The following GRM8 variants were observed in gnomAD, a reference collection of about 807,000 sequenced individuals.
GRM8 encodes the protein metabotropic glutamate receptor 8.
In GRM8, 47 loss-of-function variants were observed where a neutral mutation model predicts 87.2. The ratio of observed to expected loss-of-function variants is 0.54; its 90% CI spans 0.43 to 0.69. The LOEUF (loss-of-function observed/expected upper bound fraction) is 0.69, where lower values mean the gene tolerates loss of function less well. Among genes scored for constraint, GRM8 ranks in the 30% least tolerant of loss-of-function variants. The pLI is 0.00. For synonymous variants in GRM8, 396 were observed against 404.5 expected, an observed-to-expected ratio of 0.98 and a Z score of 0.25; for missense variants, 1,019 against 1,139.2, an observed-to-expected ratio of 0.89 and a Z score of 1.52.
At chr7:127,101,156 A>G (rs537785420) in intron 3 of GRM8, among the ~76,000 whole-genome samples, 1 of 152,264 alleles carries the variant, frequency 6.6e-6, no homozygotes, top group African/African-American at 2.4e-5. Context: ...GTGTCCCGTT[A>G]CTAAATTCCA....
rs71177600 is a variant in GRM8, at chr7:127,232,212, T to TGA, written c.510+10481_510+10482dup. Among the ~76,000 whole-genome samples the TGA allele has an allele frequency of 6.7e-3, 968 of 143,566 alleles. 7 individuals are homozygous for TGA. The highest frequency in any genetic ancestry group is 0.04 in the East Asian group (197 of 4,902). The allele number at this position is 143,566 out of a possible 152,430, so 94.2% of individuals were successfully genotyped here. ...GTGTGTGTGTGTGTGTGTGTGTGTG[T>TGA]GAGAGAGAGAGAGAGAGAGAGAGAG... On this transcript the variant is annotated intron_variant, in intron 2 of 10. Transcript: ENST00000339582.
rs73722644 is a variant in GRM8 at position 126,538,187 on chromosome 7, T to C, written c.1495-4300A>G. ...TTTCTGCTGTCAAATCCTGTTATTATTGCAGACAAGTACACAAAGAATCGT... is the reference window on the plus strand; with the variant it reads ...TTTCTGCTGTCAAATCCTGTTATTACTGCAGACAAGTACACAAAGAATCGT... On this transcript the variant is annotated intron_variant, in intron 8 of 10. Transcript: ENST00000339582. Among the ~76,000 whole-genome samples the C allele has an allele frequency of 7.3e-3, 1,110 of 152,318 alleles. 10 individuals are homozygous for C. Among genetic ancestry groups the C allele is most frequent in the African/African-American group, 0.025 (1,056 of 41,570 alleles).
intron 2 of GRM8, among the ~76,000 whole-genome samples, chr7:127,110,285 A>G (rs1033139387): frequency 1.3e-5 from 2 of 152,070 alleles, no homozygotes; most frequent in Non-Finnish European, 2.9e-5. Flanking sequence ...CCCCTATGAC[A>G]AGTCTCTGTA....
intron 3 of GRM8, among the ~76,000 whole-genome samples, chr7:126,936,660 C>T (rs1806361612): frequency 6.6e-6 from 1 of 152,130 alleles, no homozygotes; most frequent in Admixed American, 6.5e-5. Context: ...ACAATGTTCA[C>T]CCTCCACTTT....
At chr7:126,840,701 A>T (rs1326908519) in intron 6 of GRM8, among the ~76,000 whole-genome samples, 1 of 152,234 alleles carries the variant, frequency 6.6e-6, no homozygotes, top group Non-Finnish European at 1.5e-5. Context: ...AGAAAATAAA[A>T]TGAACTTTGT....
At chr7:126,496,375 C>T (rs887279160) in intron 9 of GRM8, among the ~76,000 whole-genome samples, 1 of 151,984 alleles carries the variant, frequency 6.6e-6, no homozygotes, top group Non-Finnish European at 1.5e-5. Flanking sequence ...TGACATTTCA[C>T]ACATTCCTGA....
intron 2 of GRM8, among the ~76,000 whole-genome samples, chr7:127,181,556 GA>G (rs1026777551): frequency 6.6e-6 from 1 of 151,622 alleles, no homozygotes; most frequent in Non-Finnish European, 1.5e-5. Flanking sequence ...TAAGCAAAAA[GA>G]ATACATCTGG....
intron 3 of GRM8, among the ~76,000 whole-genome samples, chr7:126,925,118 C>A (rs904664816): frequency 6.6e-6 from 1 of 152,164 alleles, no homozygotes; most frequent in East Asian, 1.9e-4. Flanking sequence ...TATTATTAAG[C>A]ATGAAAAACT....
At chr7:126,647,072 G>A (rs1253923700) in intron 7 of GRM8, among the ~76,000 whole-genome samples, 1 of 152,050 alleles carries the variant, frequency 6.6e-6, no homozygotes, top group Non-Finnish European at 1.5e-5. Flanking sequence ...TGGAAGGTCT[G>A]CAAACTTCAC....
chr7:127,135,613 G>A (rs1471866175), intron 2 of GRM8, among the ~76,000 whole-genome samples: 6 of 14,902 alleles, frequency 4.0e-4, no homozygotes, highest in African/African-American at 1.1e-3. Context: ...GCGAGACTCC[G>A]TCTCAAAAAA....
chr7:126,678,915 T>C lies in GRM8; in HGVS notation c.1358-69417A>G, dbSNP rs146517117. Among the ~76,000 whole-genome samples the C allele has an allele frequency of 4.7e-3, 722 of 152,350 alleles. 10 individuals are homozygous for C. The highest frequency in any genetic ancestry group is 0.042 in the South Asian group (201 of 4,820). ...GAAACTGTTTTTAAGTATAGAAATG[T>C]CTTTGTCTAAAACTCTTGTAAATCA... On this transcript the variant is annotated intron_variant, in intron 7 of 10. Coordinates refer to ENST00000339582, the MANE Select transcript of GRM8 (RefSeq NM_000845.3).
At chr7:126,482,563 G>A (rs919141700) in intron 9 of GRM8, among the ~76,000 whole-genome samples, 1 of 151,966 alleles carries the variant, frequency 6.6e-6, no homozygotes. Flanking sequence ...AGACAAACAT[G>A]ATTCTGCTTA....
chr7:126,887,553 A>T, intron 6 of GRM8, among the ~76,000 whole-genome samples: 1 of 152,064 alleles, frequency 6.6e-6, no homozygotes. Context: ...TATTTATATC[A>T]AATTATCATC....
chr7:126,571,498 C>A (rs1015872923), intron 8 of GRM8, among the ~76,000 whole-genome samples: 1 of 152,138 alleles, frequency 6.6e-6, no homozygotes, highest in Non-Finnish European at 1.5e-5. Flanking sequence ...GGCAAGAAAC[C>A]AGAGGGCTCT....
intron 8 of GRM8, among the ~76,000 whole-genome samples, chr7:126,585,599 A>G (rs1445136336): frequency 1.3e-5 from 2 of 152,236 alleles, no homozygotes; most frequent in Admixed American, 6.5e-5. Flanking sequence ...ATCTCAATAG[A>G]CACAGAAAAT....
chr7:127,054,008 G>C (rs1444326981), intron 3 of GRM8, among the ~76,000 whole-genome samples: 3 of 152,078 alleles, frequency 2.0e-5, no homozygotes, highest in Non-Finnish European at 4.4e-5. Context: ...AACTGGTATA[G>C]GTTTACAGTA....
At chr7:127,081,280 C>T (rs1272055628) in intron 3 of GRM8, among the ~76,000 whole-genome samples, 1 of 152,168 alleles carries the variant, frequency 6.6e-6, no homozygotes, top group Non-Finnish European at 1.5e-5. Context: ...CAAACACATG[C>T]TTGCCTTCTC....
intron 7 of GRM8, among the ~76,000 whole-genome samples, chr7:126,622,605 C>T (rs899811253): frequency 1.3e-5 from 2 of 152,162 alleles, no homozygotes; most frequent in African/African-American, 4.8e-5. Context: ...GGGGCCCCAT[C>T]ACTCTCACCT....
intron 2 of GRM8, among the ~76,000 whole-genome samples, chr7:127,139,310 G>T (rs1828124456): frequency 6.6e-6 from 1 of 152,052 alleles, no homozygotes; most frequent in Non-Finnish European, 1.5e-5. Context: ...TCTTACCACA[G>T]AAAAGAGATA....
Sources: gnomAD v4.1 joint callset for allele counts (sites outside exome capture counted in the v4.1 genomes callset) on GRCh38, gnomAD v4.1.1 for gene constraint, MANE v1.5 for transcripts, NCBI Gene and HGNC (gene_info 2026-07-23, HGNC 2026-07-21) for gene names.